Variants in HMGN5 observed in about 807,000 individuals in gnomAD.
HMGN5 encodes high mobility group nucleosome binding domain 5.
Under a neutral mutation model 9.5 loss-of-function variants are expected in HMGN5, and 4 were observed. The observed-to-expected ratio is 0.42, with a 90% CI of 0.21 to 0.96. The LOEUF (loss-of-function observed/expected upper bound fraction) is 0.96, where lower values mean the gene tolerates loss of function less well. Ranked by LOEUF, HMGN5 falls within the 40% of genes least tolerant of loss-of-function variation. HMGN5 has a pLI of 0.30. For missense variants in HMGN5, 192 were observed against 187.5 expected, an observed-to-expected ratio of 1.02 and a Z score of -0.14; for synonymous variants, 55 against 57.1, an observed-to-expected ratio of 0.96 and a Z score of 0.16.
At chrX:81,190,372 T>C (rs1362436515) in intron 1 of HMGN5, among the ~76,000 whole-genome samples, 1 of 110,912 alleles carries the variant, frequency 9.0e-6, no homozygotes, top group Non-Finnish European at 1.9e-5. Context: ...AGTTTTTATC[T>C]GCACTATATT....
chrX:81,152,527 A>C lies in HMGN5; in HGVS notation c.-123-30855T>G, dbSNP rs753857062. On this transcript the variant is annotated intron_variant, in intron 1 of 6. Transcript: ENST00000358130. ...CTGGAGAGGATGTGGAGAAATAGGA[A>C]CACTTTTACACTGTTGGTGGGACTG... is the stretch of plus-strand genomic sequence containing the variant. Among the ~76,000 whole-genome samples the C allele has an allele frequency of 6.9e-3, 758 of 110,249 alleles. 8 individuals carry two copies. The highest frequency in any genetic ancestry group is 0.023 in the African/African-American group (697 of 30,241).
intron 2 of HMGN5, 136 bp from the exon 3 acceptor site, chrX:81,119,953 T>A (rs2075264453): frequency 3.6e-6 from 2 of 551,704 alleles, no homozygotes; most frequent in Admixed American, 3.3e-5. Flanking sequence ...AGTAGACACG[T>A]GTTGTTTCTT....
chrX:81,150,480 G>T (rs921355882), intron 1 of HMGN5, among the ~76,000 whole-genome samples: 14 of 111,350 alleles, frequency 1.3e-4, no homozygotes, highest in South Asian at 3.8e-4. Flanking sequence ...CAGGAGAATC[G>T]CTTTGAACCC....
intron 1 of HMGN5, among the ~76,000 whole-genome samples, chrX:81,174,518 A>G (rs2075435800): frequency 9.0e-6 from 1 of 111,663 alleles, no homozygotes. Flanking sequence ...AGGAATAAAT[A>G]TAAAGTTTGT....
At chrX:81,116,453 A>C in intron 5 of HMGN5, 112 bp from the exon 6 acceptor site, 1 of 477,007 alleles carries the variant, frequency 2.1e-6, no homozygotes, top group Non-Finnish European at 3.4e-6. Flanking sequence ...AACTCTTTAA[A>C]GTATCACATA....
chrX:81,176,423 G>C (rs1048207080), intron 1 of HMGN5, among the ~76,000 whole-genome samples: 6 of 111,555 alleles, frequency 5.4e-5, no homozygotes, highest in African/African-American at 2.0e-4. Flanking sequence ...AGCAAAGCTG[G>C]ACGGAGAATG....
chrX:81,186,517 G>A (rs2075477930), intron 1 of HMGN5, among the ~76,000 whole-genome samples: 1 of 111,202 alleles, frequency 9.0e-6, no homozygotes, highest in Non-Finnish European at 1.9e-5. Flanking sequence ...TTTGACTAAA[G>A]GTTTGTTAAT....
chrX:81,180,033 AC>A (rs2075456965), intron 1 of HMGN5, among the ~76,000 whole-genome samples: 1 of 111,547 alleles, frequency 9.0e-6, no homozygotes, highest in Non-Finnish European at 1.9e-5. Context: ...TCTTCCTTAC[AC>A]CTTATACAAA....
intron 1 of HMGN5, among the ~76,000 whole-genome samples, chrX:81,172,483 A>G: frequency 9.1e-6 from 1 of 109,871 alleles, no homozygotes; most frequent in East Asian, 2.8e-4. Context: ...TCCAGAAAAA[A>G]GCAAAGGAAA....
intron 1 of HMGN5, among the ~76,000 whole-genome samples, chrX:81,153,812 ATTAAC>A (rs1403219988): frequency 1.9e-5 from 2 of 103,476 alleles, no homozygotes; most frequent in African/African-American, 7.0e-5. Context: ...ATACCTAGGA[ATTAAC>A]TTAACCAAAA....
In HMGN5 at chrX:81,188,026, C is replaced by CT. The variant is rs201150749; in HGVS notation, c.-124+13710dup. Among the ~76,000 whole-genome samples, 417 of 110,052 alleles carry CT rather than the reference C, an allele frequency of 3.8e-3. 2 individuals are homozygous for CT. The highest frequency in any genetic ancestry group is 5.3e-3 in the Non-Finnish European group (277 of 52,658). The stretch of plus-strand genomic sequence containing the variant: ...AAAACCATACATATTAACTTCATTC[C>CT]TTTTTTTTAACTTTTTGTTGTTTCT... On this transcript the variant is annotated intron_variant, in intron 1 of 6. Transcript: ENST00000358130.
At chrX:81,159,096 A>G (rs1458746071) in intron 1 of HMGN5, among the ~76,000 whole-genome samples, 3 of 111,679 alleles carry the variant, frequency 2.7e-5, no homozygotes, top group South Asian at 3.8e-4. Context: ...ACATGGATAG[A>G]GCTGGAAGCC....
At chrX:81,196,505 T>G (rs2075508539) in intron 1 of HMGN5, among the ~76,000 whole-genome samples, 1 of 109,812 alleles carries the variant, frequency 9.1e-6, no homozygotes, top group Non-Finnish European at 1.9e-5. Context: ...TGATAGTGAA[T>G]GAGTTCTCAT....
At chrX:81,163,654 T>C (rs911842214) in intron 1 of HMGN5, among the ~76,000 whole-genome samples, 58 of 112,137 alleles carry the variant, frequency 5.2e-4, no homozygotes, top group Admixed American at 3.8e-4. Flanking sequence ...TCAGTATTCT[T>C]CAACCTTTCT....
chrX:81,150,537 G>A (rs191401092), intron 1 of HMGN5, among the ~76,000 whole-genome samples: 1 of 111,860 alleles, frequency 8.9e-6, no homozygotes, highest in African/African-American at 3.2e-5. Flanking sequence ...TTGCACTCCA[G>A]CCTGGGCACT....
chrX:81,119,107 G>A (rs994066479), intron 3 of HMGN5, among the ~76,000 whole-genome samples: 4 of 111,411 alleles, frequency 3.6e-5, no homozygotes, highest in African/African-American at 9.8e-5. Flanking sequence ...ATCTGAACAA[G>A]CACAATAAGG....
At chrX:81,197,877 A>C (rs1049108000) in intron 1 of HMGN5, 1 of 111,094 alleles carries the variant, frequency 9.0e-6, no homozygotes, top group Non-Finnish European at 1.9e-5. Context: ...GTGCAATAGC[A>C]GTAGCCCTGA....
At chrX:81,148,330 A>G (rs886700680) in intron 1 of HMGN5, among the ~76,000 whole-genome samples, 5 of 111,886 alleles carry the variant, frequency 4.5e-5, no homozygotes, top group African/African-American at 1.6e-4. Context: ...AACACCACAC[A>G]CCTACAACCA....
chrX:81,159,832 A>G (rs1460997724), intron 1 of HMGN5, among the ~76,000 whole-genome samples: 1 of 111,407 alleles, frequency 9.0e-6, no homozygotes, highest in Admixed American at 9.6e-5. Flanking sequence ...ATACTAAAAA[A>G]TATATTTATG....
Sources: gnomAD v4.1 joint callset for allele counts (sites outside exome capture counted in the v4.1 genomes callset) on GRCh38, gnomAD v4.1.1 for gene constraint, MANE v1.5 for transcripts, NCBI Gene and HGNC (gene_info 2026-07-23, HGNC 2026-07-21) for gene names.